Variants in FILIP1L observed in about 807,000 individuals in gnomAD.
FILIP1L encodes filamin A-interacting protein 1-like.
In FILIP1L, 55 loss-of-function variants were observed where a neutral mutation model predicts 96.6. The ratio of observed to expected loss-of-function variants is 0.57; its 90% CI spans 0.46 to 0.71. FILIP1L has a LOEUF of 0.71. FILIP1L is among the 30% of genes least tolerant of loss of function. The pLI, the probability that FILIP1L is intolerant of heterozygous loss-of-function variation, is 0.00. For missense variants in FILIP1L, 1,304 were observed against 1,321.2 expected (o/e 0.99, Z 0.20); for synonymous variants, 467 against 473.9 (o/e 0.99, Z 0.19).
intron 5 of FILIP1L, among the ~76,000 whole-genome samples, chr3:99,840,259 T>G (rs1231348264): frequency 1.4e-5 from 2 of 139,504 alleles, no homozygotes; most frequent in African/African-American, 2.7e-5. Context: ...AGCCTTGCTC[T>G]GTCGCCCAGG....
At chr3:99,881,189 A>G (rs565630627) in intron 4 of FILIP1L, among the ~76,000 whole-genome samples, 14 of 152,320 alleles carry the variant, frequency 9.2e-5, no homozygotes, top group Non-Finnish European at 2.1e-4. Context: ...ACTAGTAGGT[A>G]AGTAGAATGA....
intron 1 of FILIP1L, among the ~76,000 whole-genome samples, chr3:99,949,876 A>T (rs1417016489): frequency 6.6e-6 from 1 of 152,166 alleles, no homozygotes; most frequent in Non-Finnish European, 1.5e-5. Flanking sequence ...ATTACCAAGG[A>T]CATTCTTAAT....
chr3:99,968,654 A>AT (rs1708726059), intron 1 of FILIP1L, among the ~76,000 whole-genome samples: 1 of 152,188 alleles, frequency 6.6e-6, no homozygotes, highest in Non-Finnish European at 1.5e-5. Context: ...TAATACAGAC[A>AT]TTTAAGAAGC....
At chr3:99,931,373 C>T (rs56335268) in intron 1 of FILIP1L, among the ~76,000 whole-genome samples, 10,658 of 151,558 alleles carry the variant, frequency 0.07, 418 homozygotes, top group South Asian at 0.14. Context: ...TTGCTTAAGA[C>T]GTACTTAACA....
At chr3:99,975,600 T>C (rs986710324) in intron 1 of FILIP1L, among the ~76,000 whole-genome samples, 1 of 151,010 alleles carries the variant, frequency 6.6e-6, no homozygotes, top group Non-Finnish European at 1.5e-5. Flanking sequence ...AAAAAAAAAA[T>C]TGATACTTCA....
At chr3:99,901,696 A>G (rs1309575155) in intron 4 of FILIP1L, among the ~76,000 whole-genome samples, 2 of 152,196 alleles carry the variant, frequency 1.3e-5, no homozygotes, top group Admixed American at 1.3e-4. Context: ...CTCTACTCTC[A>G]GCCAAGTGAT....
intron 4 of FILIP1L, among the ~76,000 whole-genome samples, chr3:99,851,456 A>G (rs1344495903): frequency 1.3e-5 from 2 of 152,232 alleles, no homozygotes; most frequent in Non-Finnish European, 2.9e-5. Context: ...TTACCAACTA[A>G]TTGATCTGGG....
chr3:99,889,362 T>C, intron 4 of FILIP1L, among the ~76,000 whole-genome samples: 1 of 152,096 alleles, frequency 6.6e-6, no homozygotes, highest in East Asian at 1.9e-4. Flanking sequence ...AACTTTAAGT[T>C]CATTTTGTTT....
At chr3:99,928,979 C>T (rs770909168) in intron 3 of FILIP1L, among the ~76,000 whole-genome samples, 3 of 152,152 alleles carry the variant, frequency 2.0e-5, no homozygotes, top group Admixed American at 6.5e-5. Flanking sequence ...ATACTAAAGA[C>T]GAGAATAGCA....
chr3:99,956,265 C>T (rs1182779248), intron 1 of FILIP1L, among the ~76,000 whole-genome samples: 3 of 152,174 alleles, frequency 2.0e-5, no homozygotes, highest in Non-Finnish European at 4.4e-5. Context: ...CCTCTGCCCC[C>T]AACACCTCTT....
intron 1 of FILIP1L, among the ~76,000 whole-genome samples, chr3:99,947,131 CTG>C (rs1708033800): frequency 1.3e-5 from 1 of 76,428 alleles, no homozygotes; most frequent in Non-Finnish European, 2.3e-5. Context: ...GAGCAAGACT[CTG>C]TCTCAAAAAA....
intron 1 of FILIP1L, among the ~76,000 whole-genome samples, chr3:99,932,622 G>A (rs1321831102): frequency 6.6e-6 from 1 of 152,122 alleles, no homozygotes; most frequent in Admixed American, 6.5e-5. Context: ...AGGCACAATG[G>A]CTCACACCTG....
intron 1 of FILIP1L, among the ~76,000 whole-genome samples, chr3:100,045,171 C>T (rs2065259342): frequency 6.6e-6 from 1 of 152,102 alleles, no homozygotes; most frequent in East Asian, 1.9e-4. Flanking sequence ...TTTAAAGCTG[C>T]GAATATGACC....
chr3:100,006,194 AC>A (rs938649103), intron 1 of FILIP1L, among the ~76,000 whole-genome samples: 2 of 152,042 alleles, frequency 1.3e-5, no homozygotes, highest in Non-Finnish European at 2.9e-5. Context: ...AGACAGGCTG[AC>A]CCCATTAAGA....
intron 4 of FILIP1L, among the ~76,000 whole-genome samples, chr3:99,919,219 G>A (rs1707048381): frequency 6.6e-6 from 1 of 151,816 alleles, no homozygotes; most frequent in Non-Finnish European, 1.5e-5. Flanking sequence ...TCTCCTGAAT[G>A]TTCTGTCTTC....
chr3:99,926,896 C>T (rs1010622936), intron 3 of FILIP1L, among the ~76,000 whole-genome samples: 1 of 152,198 alleles, frequency 6.6e-6, no homozygotes, highest in East Asian at 1.9e-4. Context: ...TCCATGACCC[C>T]CTAAGTGGTC....
At chr3:99,848,106 G>C in intron 5 of FILIP1L, 189 bp downstream of exon 5, 1 of 1,439,680 alleles carries the variant, frequency 6.9e-7, no homozygotes, top group East Asian at 2.5e-5. Flanking sequence ...GTGCACACTC[G>C]ATATGACTAT....
Position 99,854,994 on chromosome 3 carries a change from A to G in FILIP1L, c.606-3924T>C, listed in dbSNP as rs185638317. ...GGGTGGGCCTCACAATTTGCCTTAT[A>G]ACAAACTCCCAGATGATGTCAAGTC... On this transcript the variant is annotated intron_variant, in intron 4 of 5. Transcript: ENST00000477258. Among the ~76,000 whole-genome samples, 347 of 152,304 alleles carry G rather than the reference A, an allele frequency of 2.3e-3. 10 individuals are homozygous for G. The highest frequency in any genetic ancestry group is 4.3e-4 in the Non-Finnish European group (29 of 68,030).
intron 1 of FILIP1L, among the ~76,000 whole-genome samples, chr3:100,048,714 G>T (rs1302839216): frequency 6.6e-6 from 1 of 152,090 alleles, no homozygotes; most frequent in Admixed American, 6.5e-5. Flanking sequence ...AGTCCAGGTG[G>T]GTTTTATGTT....
Sources: gnomAD v4.1 joint callset for allele counts (sites outside exome capture counted in the v4.1 genomes callset) on GRCh38, gnomAD v4.1.1 for gene constraint, MANE v1.5 for transcripts, NCBI Gene and HGNC (gene_info 2026-07-23, HGNC 2026-07-21) for gene names.